The following ABCA13 variants were observed in gnomAD, a reference collection of about 807,000 sequenced individuals.
The protein encoded by ABCA13 is ATP-binding cassette sub-family A member 13.
ABCA13 carries 476 observed loss-of-function variants against 478.7 expected under a neutral mutation model. That is an observed-to-expected ratio of 0.99 (90% confidence interval 0.92 to 1.07). ABCA13 has a LOEUF of 1.07. Among genes scored for constraint, ABCA13 ranks in the 50% least tolerant of loss-of-function variants. The probability of loss-of-function intolerance (pLI) is 0.00; values close to 1 mark genes in which losing one functional copy is unlikely to be tolerated. For synonymous variants in ABCA13, 2,252 were observed against 2,158.9 expected (o/e 1.04, Z -1.20); for missense variants, 6,060 against 5,910.6 (o/e 1.03, Z -0.83).
chr7:48,327,693 C>T (rs1804550073), intron 27 of ABCA13, among the ~76,000 whole-genome samples: 1 of 152,112 alleles, frequency 6.6e-6, no homozygotes, highest in South Asian at 2.1e-4. Context: ...TTTTCATTGG[C>T]CATATTTACA....
rs1352223138 is a variant in ABCA13 at position 48,269,061 on chromosome 7, A to G, written c.2087A>G (p.Asn696Ser). The change falls in exon 16 of 62, where the codon AAC becomes AGC. Residue 696 changes from asparagine (N) to serine (S), a missense_variant. Coordinates refer to ENST00000435803, the MANE Select transcript of ABCA13 (RefSeq NM_152701.5). ...ISDNYFQFLNNLLKSPTASIS... is the reference protein window; with the variant it reads ...ISDNYFQFLNSLLKSPTASIS... ...GATAATTATTTTCAATTTTTGAATA[A>G]CTTACTCAAGTCTCCAACAGCTTCC... 1 of 1,595,558 alleles carries G rather than the reference A, an allele frequency of 6.3e-7. No homozygotes were observed. The highest frequency in any genetic ancestry group is 2.2e-5 in the East Asian group (1 of 44,604).
intron 38 of ABCA13, among the ~76,000 whole-genome samples, chr7:48,399,843 T>TGCCCC (rs947527827): frequency 6.6e-6 from 1 of 152,170 alleles, no homozygotes; most frequent in African/African-American, 2.4e-5. Context: ...AGGAGACACC[T>TGCCCC]GCCCCACATG....
At chr7:48,470,470 G>A (rs1244439765) in intron 44 of ABCA13, among the ~76,000 whole-genome samples, 3 of 152,190 alleles carry the variant, frequency 2.0e-5, no homozygotes, top group Admixed American at 1.3e-4. Flanking sequence ...TTTTTTAAAA[G>A]TACATATCAG....
At chr7:48,516,929 A>G in intron 52 of ABCA13, 48 bp downstream of exon 52, 1 of 1,580,658 alleles carries the variant, frequency 6.3e-7, no homozygotes, top group East Asian at 2.3e-5. Context: ...CCTCTAGTGC[A>G]AAGACGGTGT....
chr7:48,319,632 A>G (rs924584311), intron 27 of ABCA13, among the ~76,000 whole-genome samples: 1 of 152,180 alleles, frequency 6.6e-6, no homozygotes, highest in Non-Finnish European at 1.5e-5. Context: ...TTGCAGGAAA[A>G]AAAATCTATA....
At chr7:48,184,064 T>A (rs1390663643) in intron 1 of ABCA13, among the ~76,000 whole-genome samples, 1 of 152,236 alleles carries the variant, frequency 6.6e-6, no homozygotes, top group Non-Finnish European at 1.5e-5. Flanking sequence ...TATTGTCAAA[T>A]TGCTGTCCAA....
intron 52 of ABCA13, among the ~76,000 whole-genome samples, chr7:48,519,776 C>T (rs1832403732): frequency 1.3e-5 from 2 of 152,124 alleles, no homozygotes; most frequent in African/African-American, 2.4e-5. Flanking sequence ...GTGTAGAGAT[C>T]ATTGTGATTT....
At chr7:48,392,955 A>G (rs1340317526) in intron 38 of ABCA13, among the ~76,000 whole-genome samples, 1 of 152,224 alleles carries the variant, frequency 6.6e-6, no homozygotes, top group African/African-American at 2.4e-5. Context: ...CCCTATATGA[A>G]AGTGGAATAG....
intron 19 of ABCA13, among the ~76,000 whole-genome samples, 153 bp from the exon 20 acceptor site, chr7:48,287,807 C>A (rs1017470658): frequency 2.0e-5 from 3 of 152,208 alleles, no homozygotes; most frequent in Non-Finnish European, 4.4e-5. Context: ...AAAGGCACAG[C>A]TTTACCCTCA....
chr7:48,634,997 T>G (rs1172197680), intron 59 of ABCA13, among the ~76,000 whole-genome samples: 1 of 152,130 alleles, frequency 6.6e-6, no homozygotes, highest in Non-Finnish European at 1.5e-5. Flanking sequence ...TAGGCTGTGT[T>G]AAAGGACTCC....
intron 3 of ABCA13, 134 bp from the exon 4 acceptor site, chr7:48,219,220 C>G (rs1786966658): frequency 1.2e-5 from 10 of 833,008 alleles, no homozygotes; most frequent in Non-Finnish European, 1.8e-5. Context: ...GAAATGGGCT[C>G]TCAGGGTAGA....
chr7:48,421,152 T>C (rs1563227808), intron 41 of ABCA13, among the ~76,000 whole-genome samples: 1 of 152,070 alleles, frequency 6.6e-6, no homozygotes, highest in African/African-American at 2.4e-5. Flanking sequence ...AAGTGGAAAG[T>C]GGTGTCTGCC....
chr7:48,473,945 T>C (rs928819262), intron 45 of ABCA13, among the ~76,000 whole-genome samples: 6 of 152,232 alleles, frequency 3.9e-5, no homozygotes, highest in African/African-American at 9.6e-5. Flanking sequence ...TGTTGGTTGA[T>C]ATGGGAGAGG....
At chr7:48,385,258 C>T (rs950379475) in intron 35 of ABCA13, among the ~76,000 whole-genome samples, 1 of 151,980 alleles carries the variant, frequency 6.6e-6, no homozygotes, top group Admixed American at 6.6e-5. Context: ...AGCCTAGTAC[C>T]CATCAGTTAT....
At chr7:48,216,723 A>AT (rs1196496313) in intron 3 of ABCA13, among the ~76,000 whole-genome samples, 3 of 151,766 alleles carry the variant, frequency 2.0e-5, no homozygotes, top group Non-Finnish European at 2.9e-5. Context: ...TAGCTTTTAC[A>AT]TTTTAGTCTA....
intron 3 of ABCA13, among the ~76,000 whole-genome samples, chr7:48,200,278 A>G (rs187954584): frequency 6.6e-6 from 1 of 152,168 alleles, no homozygotes; most frequent in Admixed American, 6.5e-5. Flanking sequence ...GAGGCAGGAG[A>G]ATTGCTTGAA....
chr7:48,567,066 T>A (rs1429934466), intron 55 of ABCA13, among the ~76,000 whole-genome samples: 1 of 152,226 alleles, frequency 6.6e-6, no homozygotes, highest in Non-Finnish European at 1.5e-5. Flanking sequence ...ATTTTAATTG[T>A]ACGGCACACA....
chr7:48,344,470 G>A (rs988353120), intron 29 of ABCA13, among the ~76,000 whole-genome samples: 6 of 152,200 alleles, frequency 3.9e-5, no homozygotes, highest in Non-Finnish European at 7.3e-5. Flanking sequence ...TACACTGAAT[G>A]GTGAACAATC....
intron 43 of ABCA13, among the ~76,000 whole-genome samples, chr7:48,458,723 A>G (rs1471819283): frequency 1.3e-5 from 2 of 152,136 alleles, no homozygotes; most frequent in Admixed American, 6.5e-5. Flanking sequence ...TCCTTCTACA[A>G]ATGAAGGGAA....
Sources: gnomAD v4.1 joint callset for allele counts (sites outside exome capture counted in the v4.1 genomes callset) on GRCh38, gnomAD v4.1.1 for gene constraint, MANE v1.5 for transcripts, NCBI Gene and HGNC (gene_info 2026-07-23, HGNC 2026-07-21) for gene names.